The following MAD1L1 variants were observed in gnomAD, a reference collection of about 807,000 sequenced individuals.
MAD1L1 encodes mitotic spindle assembly checkpoint protein MAD1.
A neutral mutation model predicts 96.9 loss-of-function variants in MAD1L1; 95 were observed. That is an observed-to-expected ratio of 0.98 (90% CI 0.83 to 1.16). The LOEUF (loss-of-function observed/expected upper bound fraction) is 1.16, where lower values mean the gene tolerates loss of function less well. Ranked by LOEUF, MAD1L1 falls within the 50% of genes most tolerant of loss-of-function variation. The pLI, the probability that MAD1L1 is intolerant of heterozygous loss-of-function variation, is 0.00. For synonymous variants in MAD1L1, 473 were observed against 396.6 expected (o/e 1.19, Z -2.29); for missense variants, 1,007 against 954.4 (o/e 1.06, Z -0.73).
At chr7:1,838,022 G>A (rs1454919316) in intron 18 of MAD1L1, among the ~76,000 whole-genome samples, 1 of 152,230 alleles carries the variant, frequency 6.6e-6, no homozygotes, top group African/African-American at 2.4e-5. Context: ...GCTCCCTCTT[G>A]GGTGTCTAGA....
At chr7:1,955,761 G>T (rs1779698616) in intron 16 of MAD1L1, among the ~76,000 whole-genome samples, 1 of 152,090 alleles carries the variant, frequency 6.6e-6, no homozygotes. Context: ...CTGGTTGTTG[G>T]GCAGGGGCTA....
At chr7:1,914,779 A>AATTATTATTATT (rs112216025) in intron 17 of MAD1L1, among the ~76,000 whole-genome samples, 3 of 151,468 alleles carry the variant, frequency 2.0e-5, no homozygotes, top group African/African-American at 4.9e-5. Flanking sequence ...ACACCCGGCT[A>AATTATTATTATT]ATTATTATTA....
chr7:1,886,246 T>A (rs530664861), intron 18 of MAD1L1, among the ~76,000 whole-genome samples: 18 of 152,316 alleles, frequency 1.2e-4, no homozygotes, highest in Non-Finnish European at 1.0e-4. Flanking sequence ...TCCAAGAGCC[T>A]GGAGTCCTGA....
At chr7:1,906,516 T>C (rs1158648656) in intron 17 of MAD1L1, among the ~76,000 whole-genome samples, 1 of 152,206 alleles carries the variant, frequency 6.6e-6, no homozygotes, top group Non-Finnish European at 1.5e-5. Context: ...TCTCCATCGC[T>C]CCAGTCTCTG....
At chr7:2,108,627 C>T (rs1258614714) in intron 11 of MAD1L1, among the ~76,000 whole-genome samples, 2 of 152,214 alleles carry the variant, frequency 1.3e-5, no homozygotes, top group Non-Finnish European at 2.9e-5. Flanking sequence ...ACAAAGCCTT[C>T]CTCTGTAAAC....
intron 18 of MAD1L1, among the ~76,000 whole-genome samples, chr7:1,896,112 G>A (rs1243466289): frequency 3.3e-5 from 5 of 152,164 alleles, no homozygotes; most frequent in South Asian, 4.1e-4. Flanking sequence ...GCCAGCTCCT[G>A]GGCTCTCTGT....
intron 11 of MAD1L1, among the ~76,000 whole-genome samples, chr7:2,129,603 C>T (rs891922478): frequency 3.3e-5 from 5 of 152,238 alleles, no homozygotes; most frequent in Admixed American, 6.5e-5. Context: ...ACACACGATC[C>T]CATCCCTCTG....
intron 18 of MAD1L1, among the ~76,000 whole-genome samples, chr7:1,816,634 T>G (rs1205380332): frequency 2.0e-5 from 3 of 152,040 alleles, no homozygotes; most frequent in African/African-American, 7.2e-5. Context: ...CTGGGCCCCA[T>G]GACCTAGTTT....
chr7:2,060,426 C>T (rs140612088), intron 12 of MAD1L1, among the ~76,000 whole-genome samples: 22 of 151,372 alleles, frequency 1.5e-4, no homozygotes, highest in African/African-American at 5.1e-4. Flanking sequence ...TGCTGAGATA[C>T]GCCGATGCTG....
chr7:1,895,150 G>C (rs548256962), intron 18 of MAD1L1, among the ~76,000 whole-genome samples: 10 of 152,306 alleles, frequency 6.6e-5, no homozygotes, highest in Admixed American at 6.5e-5. Context: ...GAGCAGGTGG[G>C]CCTTGATGCT....
chr7:1,847,368 A>G (rs1562452029), intron 18 of MAD1L1: 1 of 471,084 alleles, frequency 2.1e-6, no homozygotes, highest in East Asian at 6.9e-5. Flanking sequence ...GGGGCGGACC[A>G]GGGTGTGCAG....
In MAD1L1 at chr7:2,222,710, C is replaced by T; in HGVS notation, c.336G>A (p.Gln112=). Residue 112 remains glutamine (Q), a synonymous_variant, in exon 5 of 19, where the codon CAG becomes CAA. Transcript: ENST00000265854. ...CCGCCCCGGCCTCCCGCTCCTGAAGCTGCCGGATGCGCGTCAGGAGCTCCT... is the reference window on the plus strand; with the variant it reads ...CCGCCCCGGCCTCCCGCTCCTGAAGTTGCCGGATGCGCGTCAGGAGCTCCT... The part of the protein sequence containing the change: ...RNQELLTRIR[Q]LQEREAGAEE... 1 of 1,609,808 alleles carries T rather than the reference C, an allele frequency of 6.2e-7. No individual in the cohort carries two copies. The highest frequency in any genetic ancestry group is 8.5e-7 in the Non-Finnish European group (1 of 1,179,676).
intron 3 of MAD1L1, among the ~76,000 whole-genome samples, chr7:2,227,969 T>C (rs1483087816): frequency 1.3e-5 from 2 of 152,062 alleles, no homozygotes; most frequent in Non-Finnish European, 2.9e-5. Context: ...ACAGCACACA[T>C]TCCCCCGGCC....
At chr7:1,987,112 C>T (rs1781186372) in intron 14 of MAD1L1, among the ~76,000 whole-genome samples, 1 of 152,216 alleles carries the variant, frequency 6.6e-6, no homozygotes, top group Admixed American at 6.5e-5. Flanking sequence ...ATGCCGCCTT[C>T]CCCACAATCT....
chr7:2,128,927 G>A (rs895922174), intron 11 of MAD1L1, among the ~76,000 whole-genome samples: 2 of 152,226 alleles, frequency 1.3e-5, no homozygotes, highest in African/African-American at 4.8e-5. Flanking sequence ...ACCACAGGGA[G>A]GAGGAGAAAA....
At chr7:2,192,128 TG>T (rs761365490) in intron 10 of MAD1L1, among the ~76,000 whole-genome samples, 1 of 151,838 alleles carries the variant, frequency 6.6e-6, no homozygotes, top group Admixed American at 6.6e-5. Flanking sequence ...TGGGGTTTTT[TG>T]TTTTTTTTGT....
intron 11 of MAD1L1, among the ~76,000 whole-genome samples, chr7:2,113,837 G>C (rs572483078): frequency 6.6e-6 from 1 of 152,074 alleles, no homozygotes; most frequent in South Asian, 2.1e-4. Context: ...CATCAGACTC[G>C]CTCCAACTGA....
chr7:2,086,072 C>T (rs1785905298), intron 11 of MAD1L1, among the ~76,000 whole-genome samples: 1 of 152,346 alleles, frequency 6.6e-6, no homozygotes, highest in South Asian at 2.1e-4. Context: ...GGACTCCACG[C>T]TGCGGGGGAG....
intron 18 of MAD1L1, chr7:1,847,346 C>T (rs772892203): frequency 1.1e-4 from 51 of 470,950 alleles, no homozygotes; most frequent in East Asian, 8.3e-4. Context: ...GCGGTGCTCG[C>T]GGAGGTACCA....
Sources: gnomAD v4.1 joint callset for allele counts (sites outside exome capture counted in the v4.1 genomes callset) on GRCh38, gnomAD v4.1.1 for gene constraint, MANE v1.5 for transcripts, NCBI Gene and HGNC (gene_info 2026-07-23, HGNC 2026-07-21) for gene names.